The following OPCML variants were observed in gnomAD, a reference collection of about 807,000 sequenced individuals.
OPCML encodes the protein opioid binding protein/cell adhesion molecule like, also known as opioid-binding protein/cell adhesion molecule.
A neutral mutation model predicts 37.8 loss-of-function variants in OPCML; 13 were observed. That is an observed-to-expected ratio of 0.34 (90% CI 0.22 to 0.55). The LOEUF (loss-of-function observed/expected upper bound fraction) is 0.55, where lower values mean the gene tolerates loss of function less well. OPCML is among the 20% of genes least tolerant of loss of function. The pLI is 0.91. For synonymous variants in OPCML, 176 were observed against 168.8 expected, an observed-to-expected ratio of 1.04 and a Z score of -0.33; for missense variants, 341 against 435.6, an observed-to-expected ratio of 0.78 and a Z score of 1.93.
intron 4 of OPCML, among the ~76,000 whole-genome samples, chr11:132,473,298 C>G (rs2096143875): frequency 6.6e-6 from 1 of 152,140 alleles, no homozygotes; most frequent in Non-Finnish European, 1.5e-5. Context: ...AGAAAAAGAG[C>G]CCTCGAGCTA....
At chr11:132,588,874 A>G (rs1471486447) in intron 3 of OPCML, among the ~76,000 whole-genome samples, 8 of 152,110 alleles carry the variant, frequency 5.3e-5, no homozygotes, top group Non-Finnish European at 1.2e-4. Flanking sequence ...CTTCCCAATA[A>G]ACTCTCGGCA....
intron 1 of OPCML, among the ~76,000 whole-genome samples, chr11:133,043,209 C>T (rs187090036): frequency 6.6e-6 from 1 of 152,116 alleles, no homozygotes; most frequent in African/African-American, 2.4e-5. Flanking sequence ...AGAGAGAGCC[C>T]AGCTGGGATT....
In OPCML at chr11:132,695,230, C is replaced by T. The variant is rs998483497; in HGVS notation, c.147-37911G>A. ...TCATTGGAAGCACGGCCCCTTAGAACTTTGCCTGTCCATTTTGGGAGTTGG... is the reference window on the plus strand; with the variant it reads ...TCATTGGAAGCACGGCCCCTTAGAATTTTGCCTGTCCATTTTGGGAGTTGG... On this transcript the variant is annotated intron_variant, in intron 2 of 7. Transcript: ENST00000524381. Among the ~76,000 whole-genome samples, 4 of 152,282 alleles carry T rather than the reference C, an allele frequency of 2.6e-5. No individual in the cohort carries two copies. In the South Asian group the frequency reaches 8.3e-4, roughly 32 times the overall value.
chr11:132,988,890 A>G (rs1369313884), intron 1 of OPCML, among the ~76,000 whole-genome samples: 2 of 152,242 alleles, frequency 1.3e-5, no homozygotes, highest in African/African-American at 4.8e-5. Flanking sequence ...GCACAGCAAC[A>G]CAGTCAAAAA....
At chr11:133,072,661 G>A (rs1316901519) in intron 1 of OPCML, among the ~76,000 whole-genome samples, 1 of 152,142 alleles carries the variant, frequency 6.6e-6, no homozygotes, top group Non-Finnish European at 1.5e-5. Flanking sequence ...GCTACGTATT[G>A]GAGAGGAGTT....
chr11:133,269,910 A>C (rs954622658), intron 1 of OPCML, among the ~76,000 whole-genome samples: 14 of 152,242 alleles, frequency 9.2e-5, no homozygotes, highest in Admixed American at 2.0e-4. Context: ...AATAAAAAGA[A>C]AATGCTTCCA....
intron 7 of OPCML, among the ~76,000 whole-genome samples, chr11:132,425,516 T>C (rs1035116365): frequency 2.0e-5 from 3 of 152,240 alleles, no homozygotes; most frequent in Non-Finnish European, 4.4e-5. Context: ...TATCTACCCT[T>C]GCAGGATTGC....
chr11:132,780,101 C>T (rs564111240), intron 2 of OPCML, among the ~76,000 whole-genome samples: 4 of 152,198 alleles, frequency 2.6e-5, no homozygotes, highest in Middle Eastern at 3.2e-3. Context: ...CCTGTCATCA[C>T]AATCCTCATC....
rs147170899 is a variant in OPCML, at chr11:133,465,048, C to T, written c.61+67216G>A. ...TGGTTGCTGTGCCAATCCCCACAAA[C>T]CTGGTGGTTTCAAACAAGACAGATG... On this transcript the variant is annotated intron_variant, in intron 1 of 7. Coordinates refer to ENST00000524381, the MANE Select transcript of OPCML (RefSeq NM_001012393.5). Among the ~76,000 whole-genome samples, 349 of 152,268 alleles carry T rather than the reference C, an allele frequency of 2.3e-3. 1 individual carries two copies. Among genetic ancestry groups the T allele is most frequent in the African/African-American group, 7.7e-3 (318 of 41,564 alleles).
At chr11:132,802,176 C>T (rs1046502731) in intron 2 of OPCML, among the ~76,000 whole-genome samples, 3 of 152,158 alleles carry the variant, frequency 2.0e-5, no homozygotes, top group Non-Finnish European at 4.4e-5. Flanking sequence ...CCTTCATTAG[C>T]ACAAACCGTC....
intron 1 of OPCML, among the ~76,000 whole-genome samples, chr11:133,354,279 A>ATGGCGGTG (rs1565588718): frequency 5.1e-5 from 1 of 19,710 alleles, no homozygotes; most frequent in East Asian, 1.9e-3. Context: ...TGGTGGTGAT[A>ATGGCGGTG]GTGATGGTGG....
chr11:133,514,470 TGCTTGGC>T (rs1297453141), intron 1 of OPCML, among the ~76,000 whole-genome samples: 1 of 152,150 alleles, frequency 6.6e-6, no homozygotes, highest in Non-Finnish European at 1.5e-5. Context: ...TCGTCTGGAG[TGCTTGGC>T]ATCTGCCGTT....
intron 2 of OPCML, among the ~76,000 whole-genome samples, chr11:132,895,809 C>A (rs74408165): frequency 3.3e-5 from 5 of 152,258 alleles, no homozygotes; most frequent in African/African-American, 9.6e-5. Context: ...ATCCACCCCC[C>A]CTGCCCCTCT....
chr11:133,431,028 AAC>A (rs1201409709), intron 1 of OPCML, among the ~76,000 whole-genome samples: 1 of 152,174 alleles, frequency 6.6e-6, no homozygotes, highest in East Asian at 1.9e-4. Context: ...ATATGATATA[AAC>A]ACAGAGGCAA....
In OPCML at chr11:132,861,809, TGGGCAACAG is replaced by T. The variant is rs1942313505; in HGVS notation, c.146+81108_146+81116del. The stretch of plus-strand genomic sequence containing the variant: ...GAGATCGCACCATTGCACTCCAGCC[TGGGCAACAG>T]AGTGAGACTCCATCTCAAATAAAAA... On this transcript the variant is annotated intron_variant, in intron 2 of 7. Coordinates refer to ENST00000524381, the MANE Select transcript of OPCML (RefSeq NM_001012393.5). Among the ~76,000 whole-genome samples the T allele has an allele frequency of 2.7e-5, 4 of 147,924 alleles. No individual in the cohort carries two copies. In the East Asian group the frequency reaches 7.9e-4, roughly 29 times the overall value.
chr11:132,579,463 A>G (rs1263641786), intron 3 of OPCML, among the ~76,000 whole-genome samples: 1 of 151,608 alleles, frequency 6.6e-6, no homozygotes, highest in Admixed American at 6.6e-5. Context: ...ATCAGGCATG[A>G]TTTTAAGCCA....
chr11:133,005,093 T>C (rs546476661), intron 1 of OPCML: 1 of 985,340 alleles, frequency 1.0e-6, no homozygotes, highest in South Asian at 4.7e-5. Flanking sequence ...CCTTCATGGC[T>C]TCCCATGAAG....
intron 4 of OPCML, among the ~76,000 whole-genome samples, chr11:132,503,181 A>C (rs2096249288): frequency 6.6e-6 from 1 of 152,178 alleles, no homozygotes; most frequent in African/African-American, 2.4e-5. Context: ...TGAGTTTAAC[A>C]ATATTTTTGC....
In OPCML at chr11:132,821,767, C is replaced by G. The variant is rs1390867244; in HGVS notation, c.146+121159G>C. Among the ~76,000 whole-genome samples, 2 of 152,142 alleles carry G rather than the reference C, an allele frequency of 1.3e-5. 1 individual carries two copies. The highest frequency in any genetic ancestry group is 2.9e-5 in the Non-Finnish European group (2 of 68,032). ...CTCTTTCCATCTTCCAGCCTTCTTC[C>G]TTTCCTCCCCTTCCTCCCCTTCTCA... On this transcript the variant is annotated intron_variant, in intron 2 of 7. Coordinates refer to ENST00000524381, the MANE Select transcript of OPCML (RefSeq NM_001012393.5).
Sources: gnomAD v4.1 joint callset for allele counts (sites outside exome capture counted in the v4.1 genomes callset) on GRCh38, gnomAD v4.1.1 for gene constraint, MANE v1.5 for transcripts, NCBI Gene and HGNC (gene_info 2026-07-23, HGNC 2026-07-21) for gene names.